The following ARID4B variants were observed in gnomAD, a reference collection of about 807,000 sequenced individuals.
ARID4B encodes AT-rich interactive domain-containing protein 4B.
In ARID4B, 26 loss-of-function variants were observed where a neutral mutation model predicts 147.5. That is an observed-to-expected ratio of 0.18 (90% CI 0.13 to 0.24). The LOEUF (loss-of-function observed/expected upper bound fraction) is 0.24, where lower values mean the gene tolerates loss of function less well. Among genes scored for constraint, ARID4B ranks in the 10% least tolerant of loss-of-function variants. The pLI, the probability that ARID4B is intolerant of heterozygous loss-of-function variation, is 1.00. For missense variants in ARID4B, 1,179 were observed against 1,511.5 expected, an observed-to-expected ratio of 0.78 and a Z score of 3.65; for synonymous variants, 512 against 507.9, an observed-to-expected ratio of 1.01 and a Z score of -0.11.
intron 2 of ARID4B, among the ~76,000 whole-genome samples, chr1:235,278,213 G>A (rs1237253450): frequency 1.3e-5 from 2 of 152,192 alleles, no homozygotes; most frequent in African/African-American, 2.4e-5. Flanking sequence ...CAGACCTGGA[G>A]TTTTAAAAAA....
At chr1:235,205,613 T>C (rs1213814850) in intron 17 of ARID4B, among the ~76,000 whole-genome samples, 1 of 152,192 alleles carries the variant, frequency 6.6e-6, no homozygotes, top group East Asian at 1.9e-4. Context: ...AAAAGAAACA[T>C]TTGCAATCAT....
At chr1:235,223,353 T>TTATATATATATATACACGTA (rs773596483) in intron 12 of ARID4B, 93 bp from the exon 13 acceptor site, 1 of 256,364 alleles carries the variant, frequency 3.9e-6, no homozygotes, top group East Asian at 7.5e-5. Flanking sequence ...TTATAGTATT[T>TTATATATATATATACACGTA]TATATATATA....
intron 2 of ARID4B, among the ~76,000 whole-genome samples, chr1:235,278,532 T>C (rs183685287): frequency 1.3e-5 from 2 of 152,158 alleles, no homozygotes; most frequent in Non-Finnish European, 2.9e-5. Context: ...TACTAGACTG[T>C]GATTACCCAA....
rs568241658 is a variant in ARID4B at position 235,320,980 on chromosome 1, T to C, written c.6+5934A>G. 1.2e-4 allele frequency among the ~76,000 whole-genome samples: 19 copies of C among 152,330 alleles called. 1 individual carries two copies. The South Asian group carries it at 3.9e-3, about 32-fold the overall frequency. ...TCATTTCTCTTCAAAGCACTTAGCA[T>C]TATTTTTTTTCTTAACGTGTGTCCA... On this transcript the variant is annotated intron_variant, in intron 2 of 23. Coordinates refer to ENST00000264183, the MANE Select transcript of ARID4B (RefSeq NM_016374.6).
chr1:235,247,052 ATTAAT>A (rs1669344176), intron 6 of ARID4B, among the ~76,000 whole-genome samples: 1 of 152,322 alleles, frequency 6.6e-6, no homozygotes, highest in African/African-American at 2.4e-5. Context: ...AAAATGTAAC[ATTAAT>A]TTAATTTTTT....
At chr1:235,237,858 TTATTAA>T (rs1355947518) in intron 8 of ARID4B, among the ~76,000 whole-genome samples, 2 of 152,100 alleles carry the variant, frequency 1.3e-5, no homozygotes, top group Non-Finnish European at 2.9e-5. Flanking sequence ...AGAGAAAAGT[TTATTAA>T]TCATCACCGG....
intron 8 of ARID4B, among the ~76,000 whole-genome samples, chr1:235,238,354 T>C (rs1668758625): frequency 6.6e-6 from 1 of 152,126 alleles, no homozygotes. Flanking sequence ...AAAAAAGCAT[T>C]AGAGGAGAAT....
At chr1:235,320,126 A>T (rs1674721332) in intron 2 of ARID4B, among the ~76,000 whole-genome samples, 1 of 111,596 alleles carries the variant, frequency 9.0e-6, no homozygotes, top group Admixed American at 8.5e-5. Flanking sequence ...ACTCCGTCTA[A>T]AAAAAAAAAA....
rs1572105581 is a variant in ARID4B, at chr1:235,263,895, G to A, written c.7-3143C>T. On this transcript the variant is annotated intron_variant, in intron 2 of 23. Transcript: ENST00000264183. ...TGTAGTCCTAGCTACTCAGGAGGCT[G>A]AGGCAGGAGAATGGCGTGAACCTGG... Among the ~76,000 whole-genome samples, 3 of 152,170 alleles carry A rather than the reference G, an allele frequency of 2.0e-5. No individual in the cohort carries two copies. In the South Asian group the frequency reaches 6.2e-4, roughly 32 times the overall value.
chr1:235,296,726 C>T (rs1027730043), intron 2 of ARID4B, among the ~76,000 whole-genome samples: 2 of 144,754 alleles, frequency 1.4e-5, no homozygotes, highest in African/African-American at 5.1e-5. Flanking sequence ...TCCCAGAGTG[C>T]TTAGGTTACA....
At chr1:235,299,116 C>T (rs2103239225) in intron 2 of ARID4B, among the ~76,000 whole-genome samples, 1 of 152,314 alleles carries the variant, frequency 6.6e-6, no homozygotes, top group Admixed American at 6.5e-5. Context: ...CTGTAAGTCT[C>T]TCATTATACT....
At chr1:235,297,062 A>G (rs945027672) in intron 2 of ARID4B, among the ~76,000 whole-genome samples, 1 of 152,120 alleles carries the variant, frequency 6.6e-6, no homozygotes, top group Admixed American at 6.6e-5. Flanking sequence ...CCTTAAAGAA[A>G]TAGCTGATTC....
rs566039064 is a variant in ARID4B at position 235,285,808 on chromosome 1, G to T, written c.7-25056C>A. On this transcript the variant is annotated intron_variant, in intron 2 of 23. Coordinates refer to ENST00000264183, the MANE Select transcript of ARID4B (RefSeq NM_016374.6). ...TATACATTAGCAACAATCAGAAATT[G>T]AATTTTTAAAATACCATTAACAACA... Among the ~76,000 whole-genome samples the T allele has an allele frequency of 2.6e-5, 4 of 152,242 alleles. No homozygotes were observed. In the East Asian group the frequency reaches 7.7e-4, roughly 29 times the overall value.
intron 20 of ARID4B, 167 bp downstream of exon 20, chr1:235,181,418 C>A (rs1473054837): frequency 3.3e-6 from 3 of 913,744 alleles, no homozygotes; most frequent in Admixed American, 6.0e-5. Flanking sequence ...CTTTTAAATG[C>A]ATTCCACTAT....
chr1:235,213,725 A>G, intron 17 of ARID4B, 44 bp downstream of exon 17: 5 of 1,555,950 alleles, frequency 3.2e-6, no homozygotes, highest in Non-Finnish European at 4.3e-6. Context: ...AAAGTATTTT[A>G]TAATTGTTTT....
chr1:235,212,780 A>G (rs2103006013), intron 17 of ARID4B, among the ~76,000 whole-genome samples: 1 of 152,330 alleles, frequency 6.6e-6, no homozygotes, highest in South Asian at 2.1e-4. Context: ...AAGTGATTAA[A>G]GAGAATCAAA....
intron 19 of ARID4B, among the ~76,000 whole-genome samples, chr1:235,193,135 T>C (rs1558186797): frequency 6.6e-6 from 1 of 150,936 alleles, no homozygotes; most frequent in Admixed American, 6.6e-5. Context: ...CAGTGGCTCC[T>C]GCCTGTAATC....
intron 2 of ARID4B, among the ~76,000 whole-genome samples, chr1:235,276,892 C>T (rs984860954): frequency 6.7e-6 from 1 of 149,984 alleles, no homozygotes; most frequent in African/African-American, 2.5e-5. Context: ...CCCAGCTACT[C>T]GGGAGGCTGA....
At chr1:235,307,426 C>T (rs1251413544) in intron 2 of ARID4B, among the ~76,000 whole-genome samples, 1 of 151,988 alleles carries the variant, frequency 6.6e-6, no homozygotes, top group Non-Finnish European at 1.5e-5. Flanking sequence ...GTCTAAGTGA[C>T]AGAGCTAGGC....
Sources: gnomAD v4.1 joint callset for allele counts (sites outside exome capture counted in the v4.1 genomes callset) on GRCh38, gnomAD v4.1.1 for gene constraint, MANE v1.5 for transcripts, NCBI Gene and HGNC (gene_info 2026-07-23, HGNC 2026-07-21) for gene names.